CECR2: variants seen among roughly 807,000 people sequenced by gnomAD.
The protein encoded by CECR2 is CECR2 histone acetyl-lysine reader, also known as chromatin remodeling regulator CECR2.
Under a neutral mutation model 154.5 loss-of-function variants are expected in CECR2, and 30 were observed. The observed-to-expected ratio is 0.19, with a 90% CI of 0.15 to 0.26. The LOEUF is 0.26. Among genes scored for constraint, CECR2 ranks in the 10% least tolerant of loss-of-function variants. CECR2 has a pLI of 1.00. For synonymous variants in CECR2, 725 were observed against 683.7 expected (o/e 1.06, Z -0.94); for missense variants, 1,743 against 1,829.3 (o/e 0.95, Z 0.86).
intron 1 of CECR2, among the ~76,000 whole-genome samples, chr22:17,374,825 C>T (rs1438624496): frequency 6.6e-6 from 1 of 152,196 alleles, no homozygotes; most frequent in Non-Finnish European, 1.5e-5. Context: ...TCTCATTTCA[C>T]AGATGTGGAA....
At chr22:17,362,691 C>T (rs76444896) in intron 1 of CECR2, among the ~76,000 whole-genome samples, 2,081 of 151,834 alleles carry the variant, frequency 0.014, 54 homozygotes, top group African/African-American at 0.048. Context: ...ATCATGAGTT[C>T]AGGAGTTCAA....
intron 1 of CECR2, among the ~76,000 whole-genome samples, chr22:17,448,702 C>CA: frequency 6.6e-6 from 1 of 152,250 alleles, no homozygotes; most frequent in Middle Eastern, 3.4e-3. Flanking sequence ...AGTCTACGGT[C>CA]TTTTGTGTTG....
At position 17,555,243 on chromosome 22, in the gene CECR2, A is replaced by G. The variant is rs2056760255; in HGVS notation, c.*2403A>G. ...TGTGAACGATACAGGAAAAGTCAGTAAATCCCTTTATCCTTAATCTCCCTT... is the reference window on the plus strand; with the variant it reads ...TGTGAACGATACAGGAAAAGTCAGTGAATCCCTTTATCCTTAATCTCCCTT... On this transcript the variant is annotated 3_prime_UTR_variant, in exon 19 of 19. Transcript: ENST00000262608. The G allele has an allele frequency of 6.6e-6, 1 of 152,282 alleles. No individual in the cohort carries two copies. The highest frequency in any genetic ancestry group is 6.5e-5 in the Admixed American group (1 of 15,292). The allele number at this position is 152,282 out of a possible 1,614,324, so 9.4% of individuals were successfully genotyped here. A position where few individuals can be genotyped will look rare whatever the true frequency, so the allele number is the denominator to read the frequency against.
upstream of CECR2, among the ~76,000 whole-genome samples, chr22:17,367,258 G>C (rs1222566725): frequency 6.6e-6 from 1 of 152,162 alleles, no homozygotes; most frequent in Non-Finnish European, 1.5e-5. Context: ...CCCTCTGCTT[G>C]CTGGTGTCAT....
At chr22:17,511,706 G>C in intron 7 of CECR2, 107 bp from the exon 8 acceptor site, 1 of 837,256 alleles carries the variant, frequency 1.2e-6, no homozygotes, top group Non-Finnish European at 2.0e-6. Flanking sequence ...CCTAACCTGT[G>C]TGCCTCATTG....
chr22:17,488,458 T>A (rs1361240013), intron 2 of CECR2, among the ~76,000 whole-genome samples: 1 of 152,226 alleles, frequency 6.6e-6, no homozygotes, highest in Non-Finnish European at 1.5e-5. Flanking sequence ...GTCTTCCCCA[T>A]ACCTACATTG....
intron 9 of CECR2, among the ~76,000 whole-genome samples, chr22:17,536,162 C>A (rs62241409): frequency 0.01 from 1,592 of 152,196 alleles, 11 homozygotes; most frequent in Non-Finnish European, 0.018. Context: ...GCAGGGGAAT[C>A]GCTTGAACCC....
In CECR2 at chr22:17,530,802, G is replaced by A. The variant is rs2056342710; in HGVS notation, c.1109-6301G>A. 1.3e-5 allele frequency among the ~76,000 whole-genome samples: 2 copies of A among 152,160 alleles called. 1 individual carries two copies. The highest frequency in any genetic ancestry group is 4.1e-4 in the South Asian group (2 of 4,834). ...ATGGGGTGTTATTCAGCCTTAAGAG[G>A]GAAGGAAATTCTGAAACATGCTACA... is the stretch of plus-strand genomic sequence containing the variant. On this transcript the variant is annotated intron_variant, in intron 9 of 18. Coordinates refer to ENST00000262608, the MANE Select transcript of CECR2 (RefSeq NM_001290047.2).
At chr22:17,530,467 A>G (rs1366945218) in intron 9 of CECR2, among the ~76,000 whole-genome samples, 1 of 151,880 alleles carries the variant, frequency 6.6e-6, no homozygotes, top group Non-Finnish European at 1.5e-5. Flanking sequence ...AGGTCAGGAG[A>G]TTGACACCAT....
intron 1 of CECR2, chr22:17,419,412 G>A (rs2054206343): frequency 5.5e-6 from 1 of 180,784 alleles, no homozygotes; most frequent in South Asian, 1.3e-4. Context: ...TGGTGGATGA[G>A]AGCCCTGATT....
intron 1 of CECR2, among the ~76,000 whole-genome samples, chr22:17,384,568 T>A (rs2063237341): frequency 6.6e-6 from 1 of 152,198 alleles, no homozygotes; most frequent in African/African-American, 2.4e-5. Flanking sequence ...AAGTAGTGAC[T>A]TTTTTCTGAG....
At chr22:17,538,345 A>G (rs533429416) in intron 10 of CECR2, among the ~76,000 whole-genome samples, 175 bp from the exon 11 acceptor site, 1 of 152,358 alleles carries the variant, frequency 6.6e-6, no homozygotes, top group Admixed American at 6.5e-5. Flanking sequence ...GCTAAGGTCC[A>G]CTGTCCCTCA....
intron 1 of CECR2, among the ~76,000 whole-genome samples, chr22:17,409,422 G>A (rs2054035007): frequency 9.0e-6 from 1 of 110,790 alleles, no homozygotes; most frequent in African/African-American, 3.0e-5. Flanking sequence ...TAGTAGAGAT[G>A]GGGTTTCACC....
rs111536634 is a variant in CECR2 at position 17,447,035 on chromosome 22, T to G, written c.127-30553T>G. 9.0e-3 allele frequency among the ~76,000 whole-genome samples: 724 copies of G among 80,132 alleles called. 10 individuals are homozygous for G. The highest frequency in any genetic ancestry group is 0.055 in the African/African-American group (581 of 10,490). 52.6% of individuals were successfully genotyped at this position (80,132 alleles called of 152,430 possible). On this transcript the variant is annotated intron_variant, in intron 1 of 18. Transcript: ENST00000262608. Reference sequence around the variant, plus strand: ...GTGCTGAGTGGTGCGTTTACAATCTTTTTTTTTTTTTTTTTTTGAGACAGA... The same window carrying G: ...GTGCTGAGTGGTGCGTTTACAATCTGTTTTTTTTTTTTTTTTTGAGACAGA...
rs144795238 is a variant in CECR2, at chr22:17,556,174, G to A, written c.*3334G>A. 1 of 152,086 alleles carries A rather than the reference G, an allele frequency of 6.6e-6. No homozygotes were observed. The highest frequency in any genetic ancestry group is 2.4e-5 in the African/African-American group (1 of 41,390). 9.4% of individuals were successfully genotyped at this position (152,086 alleles called of 1,614,324 possible). ...TCTCCTTCATCACCAGCCTTCATCA[G>A]GTTGGTTTAGTTTACCTGGCCGTAC... On this transcript the variant is annotated 3_prime_UTR_variant, in exon 19 of 19. Coordinates refer to ENST00000262608, the MANE Select transcript of CECR2 (RefSeq NM_001290047.2).
Position 17,541,916 on chromosome 22 carries a change from G to T in CECR2, c.1962G>T (p.Pro654=), listed in dbSNP as rs540911813. 30 of 1,613,926 alleles carry T rather than the reference G, an allele frequency of 1.9e-5. 1 individual carries two copies. The highest frequency in any genetic ancestry group is 1.3e-4 in the African/African-American group (10 of 75,036). Residue 654 remains proline, a synonymous_variant, in exon 15 of 19, where the codon CCG becomes CCT. Coordinates refer to ENST00000262608, the MANE Select transcript of CECR2 (RefSeq NM_001290047.2). ...PATLYGSSGV[P]EPHPGEPVQQ... ...CCTTGTATGGCTCCTCTGGAGTCCC[G>T]GAGCCACACCCCGGGGAGCCTGTGC...
At chr22:17,549,858 G>A (rs539557289) in intron 17 of CECR2, among the ~76,000 whole-genome samples, 16 of 145,750 alleles carry the variant, frequency 1.1e-4, no homozygotes, top group African/African-American at 3.5e-4. Context: ...TCTCCTGAGC[G>A]CAAGTCATCC....
At chr22:17,475,932 A>C (rs1050704466) in intron 1 of CECR2, among the ~76,000 whole-genome samples, 1 of 151,838 alleles carries the variant, frequency 6.6e-6, no homozygotes, top group Non-Finnish European at 1.5e-5. Context: ...AATTCCTTGT[A>C]TATACACAGC....
chr22:17,500,072 G>A (rs528399765), intron 4 of CECR2, among the ~76,000 whole-genome samples: 9 of 152,192 alleles, frequency 5.9e-5, no homozygotes, highest in African/African-American at 9.6e-5. Flanking sequence ...TTAGCCAGGC[G>A]TGGTGGCGGG....
Sources: gnomAD v4.1 joint callset for allele counts (sites outside exome capture counted in the v4.1 genomes callset) on GRCh38, gnomAD v4.1.1 for gene constraint, MANE v1.5 for transcripts, NCBI Gene and HGNC (gene_info 2026-07-23, HGNC 2026-07-21) for gene names.